Variants in CALCRL observed in about 807,000 individuals in gnomAD.
CALCRL encodes calcitonin receptor like receptor, also known as calcitonin gene-related peptide type 1 receptor.
CALCRL carries 27 observed loss-of-function variants against 60.4 expected under a neutral mutation model. The ratio of observed to expected loss-of-function variants is 0.45; its 90% confidence interval spans 0.33 to 0.62. The LOEUF (loss-of-function observed/expected upper bound fraction) is 0.62, where lower values mean the gene tolerates loss of function less well. Ranked by LOEUF, CALCRL falls within the 20% of genes least tolerant of loss-of-function variation. The probability of loss-of-function intolerance (pLI) is 0.03; values close to 1 mark genes in which losing one functional copy is unlikely to be tolerated. For missense variants in CALCRL, 424 were observed against 540.7 expected (o/e 0.78, Z 2.14); for synonymous variants, 190 against 182.6 (o/e 1.04, Z -0.33).
chr2:187,385,882 A>G (rs901837555), intron 3 of CALCRL, among the ~76,000 whole-genome samples: 8 of 152,070 alleles, frequency 5.3e-5, no homozygotes, highest in Admixed American at 4.6e-4. Context: ...TCCCAAGTAG[A>G]TGGATTACAG....
intron 1 of CALCRL, among the ~76,000 whole-genome samples, chr2:187,409,987 C>T (rs139451070): frequency 7.9e-5 from 12 of 152,246 alleles, no homozygotes; most frequent in Admixed American, 7.9e-4. Context: ...AGTTTGATGA[C>T]TTGTTAAAGA....
Position 187,346,246 on chromosome 2 carries a change from T to G in CALCRL, c.1324A>C (p.Asn442His). ...YSHDCPSEHL[N>H]GKSIHDIENV... is the part of the protein sequence containing the mutation. The stretch of plus-strand genomic sequence containing the variant: ...TCAATATCATGGATGCTTTTTCCAT[T>G]TAAGTGTTCACTAGGACAGTCATGA... Residue 442 changes from asparagine (N) to histidine (H), a missense_variant, in exon 15 of 15, where the codon AAT (asparagine) becomes CAT (histidine). By Grantham distance (68) the Asn-to-His change is moderately conservative. Coordinates refer to ENST00000392370, the MANE Select transcript of CALCRL (RefSeq NM_005795.6). 1 of 1,612,130 alleles carries G rather than the reference T, an allele frequency of 6.2e-7. No homozygotes were observed. Among genetic ancestry groups the G allele is most frequent in the Non-Finnish European group, 8.5e-7 (1 of 1,178,786 alleles).
chr2:187,430,119 A>G (rs1026420524), intron 1 of CALCRL, among the ~76,000 whole-genome samples: 2 of 152,234 alleles, frequency 1.3e-5, no homozygotes, highest in South Asian at 2.1e-4. Flanking sequence ...AGATATAAGT[A>G]GGCATTTTGA....
rs1687309186 is a variant in CALCRL at position 187,366,684 on chromosome 2, A to C, written c.501-3182T>G. 1.3e-5 allele frequency among the ~76,000 whole-genome samples: 2 copies of C among 152,092 alleles called. 1 individual carries two copies. The highest frequency in any genetic ancestry group is 4.1e-4 in the South Asian group (2 of 4,822). On this transcript the variant is annotated intron_variant, in intron 8 of 14. Transcript: ENST00000392370. The stretch of plus-strand genomic sequence containing the variant: ...TGTGAAAAGATTGGAAGGGAGTAAA[A>C]TAAAATGCTAACTGTAGTTAGTTGA...
rs185394046 is a variant in CALCRL, at chr2:187,425,692, G to A, written c.-293+22347C>T. On this transcript the variant is annotated intron_variant, in intron 1 of 14. Coordinates refer to ENST00000392370, the MANE Select transcript of CALCRL (RefSeq NM_005795.6). ...ATTTTAAGTGTATTCCTTATAGTGC[G>A]GGAAGTGCAAAGATGAATGAAACAC... 1.1e-4 allele frequency among the ~76,000 whole-genome samples: 16 copies of A among 151,994 alleles called. No homozygotes were observed. In the East Asian group the frequency reaches 1.5e-3, roughly 15 times the overall value.
intron 1 of CALCRL, among the ~76,000 whole-genome samples, chr2:187,439,719 T>C (rs7591567): frequency 0.34 from 51,848 of 151,928 alleles, 9,364 homozygotes; most frequent in African/African-American, 0.46. Context: ...CTTAGGTATA[T>C]GGATATCTGG....
At chr2:187,428,196 G>A (rs1171211960) in intron 1 of CALCRL, 8 of 152,114 alleles carry the variant, frequency 5.3e-5, no homozygotes, top group Admixed American at 5.2e-4. Flanking sequence ...AGACTTTCAT[G>A]GCACTTAAGA....
At chr2:187,430,009 C>T (rs1367034352) in intron 1 of CALCRL, among the ~76,000 whole-genome samples, 2 of 152,198 alleles carry the variant, frequency 1.3e-5, no homozygotes, top group African/African-American at 4.8e-5. Flanking sequence ...CCATTGTGCT[C>T]TCTTTCCTAT....
In CALCRL at chr2:187,383,168, C is replaced by G. The variant is rs1347126346; in HGVS notation, c.184+5G>C. On this transcript the variant is annotated splice_donor_5th_base_variant and intron_variant, in intron 5 of 14. Coordinates refer to ENST00000392370, the MANE Select transcript of CALCRL (RefSeq NM_005795.6). Reference sequence around the variant, plus strand: ...ATGCATTTACAACTAAGTAGCCATGCTTACCTTCTGCTTGTTGAATGGGGT... The same window carrying G: ...ATGCATTTACAACTAAGTAGCCATGGTTACCTTCTGCTTGTTGAATGGGGT... 6.2e-7 allele frequency: 1 copy of G among 1,607,522 alleles called. No individual in the cohort carries two copies. The highest frequency in any genetic ancestry group is 1.1e-5 in the South Asian group (1 of 89,758).
intron 1 of CALCRL, among the ~76,000 whole-genome samples, chr2:187,408,684 A>C (rs566204021): frequency 1.3e-5 from 2 of 152,152 alleles, no homozygotes; most frequent in Admixed American, 1.3e-4. Flanking sequence ...ATTTTATTGT[A>C]ATTTATGTAC....
At chr2:187,420,841 A>G (rs1689841824) in intron 1 of CALCRL, among the ~76,000 whole-genome samples, 2 of 152,174 alleles carry the variant, frequency 1.3e-5, no homozygotes, top group African/African-American at 4.8e-5. Flanking sequence ...TAGATTTAAC[A>G]TATCTGAATA....
intron 4 of CALCRL, among the ~76,000 whole-genome samples, chr2:187,384,612 T>C (rs1688132800): frequency 6.6e-6 from 1 of 152,194 alleles, no homozygotes; most frequent in Non-Finnish European, 1.5e-5. Context: ...TTGGAAATAT[T>C]TGCTCCTAGA....
intron 1 of CALCRL, among the ~76,000 whole-genome samples, chr2:187,422,897 A>G (rs1689944979): frequency 6.6e-6 from 1 of 152,012 alleles, no homozygotes; most frequent in African/African-American, 2.4e-5. Flanking sequence ...GGTATATTAA[A>G]AAGATAAAAG....
chr2:187,345,416 G>T lies in CALCRL; in HGVS notation c.*768C>A, dbSNP rs1317411309. ...GCTAGGAATTCCCTCCCACTGTTTGGTAAGACAGGAAGAGGTTGACAAGGT... is the reference window on the plus strand; with the variant it reads ...GCTAGGAATTCCCTCCCACTGTTTGTTAAGACAGGAAGAGGTTGACAAGGT... On this transcript the variant is annotated 3_prime_UTR_variant, in exon 15 of 15. Coordinates refer to ENST00000392370, the MANE Select transcript of CALCRL (RefSeq NM_005795.6). The T allele has an allele frequency of 1.3e-5, 2 of 152,176 alleles. No homozygotes were observed. Among genetic ancestry groups the T allele is most frequent in the African/African-American group, 4.8e-5 (2 of 41,372 alleles). 9.4% of individuals were successfully genotyped at this position (152,176 alleles called of 1,614,324 possible). A position where few individuals can be genotyped will look rare whatever the true frequency, so the allele number is the denominator to read the frequency against.
At chr2:187,434,679 T>G (rs4666727) in intron 1 of CALCRL, among the ~76,000 whole-genome samples, 152,133 of 152,246 alleles carry the variant, frequency 1, 76,010 homozygotes, top group Middle Eastern at 1. Flanking sequence ...GTTTGTAATA[T>G]CAAAACTGTG....
intron 1 of CALCRL, among the ~76,000 whole-genome samples, chr2:187,403,128 C>T (rs537214223): frequency 3.0e-4 from 46 of 151,656 alleles, no homozygotes; most frequent in Admixed American, 2.8e-3. Context: ...GTTGTTTTAC[C>T]CACCAAGTCT....
At chr2:187,445,210 A>G (rs1691117253) in intron 1 of CALCRL, among the ~76,000 whole-genome samples, 1 of 151,570 alleles carries the variant, frequency 6.6e-6, no homozygotes, top group Non-Finnish European at 1.5e-5. Flanking sequence ...CTCTCATAAG[A>G]GCGTCTTTCA....
intron 12 of CALCRL, 129 bp downstream of exon 12, chr2:187,358,934 C>A: frequency 1.3e-6 from 1 of 780,584 alleles, no homozygotes; most frequent in Admixed American, 2.0e-5. Context: ...AAACGCTATT[C>A]ATTTAAGCAC....
At chr2:187,444,960 A>G (rs1691105385) in intron 1 of CALCRL, among the ~76,000 whole-genome samples, 1 of 151,570 alleles carries the variant, frequency 6.6e-6, no homozygotes, top group African/African-American at 2.4e-5. Flanking sequence ...TATTTGCATC[A>G]TAATATTTTT....
Sources: allele counts gnomAD v4.1 joint callset (sites outside exome capture counted in the v4.1 genomes callset), GRCh38; gene constraint gnomAD v4.1.1; transcripts MANE v1.5; gene names NCBI Gene and HGNC (gene_info 2026-07-23, HGNC 2026-07-21).